C7: variants seen among roughly 807,000 people sequenced by gnomAD.
The protein encoded by C7 is complement component C7.
Under a neutral mutation model 104.8 loss-of-function variants are expected in C7, and 83 were observed. That is an observed-to-expected ratio of 0.79 (90% CI 0.66 to 0.95). C7 has a LOEUF of 0.95. Ranked by LOEUF, C7 falls within the 40% of genes least tolerant of loss-of-function variation. The pLI is 0.00. For synonymous variants in C7, 415 were observed against 360.6 expected (o/e 1.15, Z -1.71); for missense variants, 1,070 against 1,011.2 (o/e 1.06, Z -0.79).
At chr5:40,943,745 G>A (rs557347339) in intron 6 of C7, among the ~76,000 whole-genome samples, 1 of 151,906 alleles carries the variant, frequency 6.6e-6, no homozygotes, top group South Asian at 2.1e-4. Flanking sequence ...AGCCCAAGCT[G>A]AATTTTTGCA....
chr5:40,919,946 T>C (rs1739405037), intron 1 of C7, among the ~76,000 whole-genome samples: 1 of 151,292 alleles, frequency 6.6e-6, no homozygotes, highest in Non-Finnish European at 1.5e-5. Context: ...AAAAGAAGAA[T>C]AAACTAAGCC....
intron 6 of C7, among the ~76,000 whole-genome samples, chr5:40,938,673 T>G (rs185984586): frequency 6.6e-6 from 1 of 152,306 alleles, no homozygotes; most frequent in East Asian, 1.9e-4. Flanking sequence ...AACGTTGGTA[T>G]TGCTTAACTT....
Position 40,972,471 on chromosome 5 carries a change from G to A in C7, c.1951G>A (p.Val651Ile), listed in dbSNP as rs1441172418. Residue 651 changes from valine to isoleucine, a missense_variant, in exon 15 of 18, where the codon GTT becomes ATT. Val to Ile is a conservative substitution (Grantham distance 29, BLOSUM62 3). Coordinates refer to ENST00000313164, the MANE Select transcript of C7 (RefSeq NM_000587.4). ...QSHPQKPFYT[V>I]GEKVTVSCSG... ...TCACCCCCAAAAACCTTTCTACACA[G>A]TTGGTGAGAAGGTGACTGTTTCCTG... 2 of 1,613,762 alleles carry A rather than the reference G, an allele frequency of 1.2e-6. No individual in the cohort carries two copies. Among genetic ancestry groups the A allele is most frequent in the African/African-American group, 1.3e-5 (1 of 74,906 alleles).
chr5:40,962,151 CT>C lies in C7; in HGVS notation c.1730del (p.Leu577Ter). The C allele has an allele frequency of 6.4e-7, 1 of 1,563,428 alleles. No individual in the cohort carries two copies. On this transcript the variant is annotated frameshift_variant, in exon 13 of 18. Coordinates refer to ENST00000313164, the MANE Select transcript of C7 (RefSeq NM_000587.4). LOFTEE classifies it high-confidence loss of function. The part of the protein sequence containing the change: ...PTEFCPSPPA[L>X]KDGFVQDEGT... ...CAGAATTCTGTCCATCACCTCCTGC[CT>C]TGAAAGATGGATTTGTTCAAGTTGG...
intron 5 of C7, 102 bp from the exon 6 acceptor site, chr5:40,937,450 G>GA: frequency 8.3e-7 from 1 of 1,200,350 alleles, no homozygotes; most frequent in Non-Finnish European, 1.2e-6. Context: ...TGCATTTTAA[G>GA]AATTTGTAGA....
intron 1 of C7, among the ~76,000 whole-genome samples, chr5:40,919,211 C>T (rs1459596544): frequency 6.6e-6 from 1 of 151,652 alleles, no homozygotes; most frequent in Non-Finnish European, 1.5e-5. Flanking sequence ...ACAACCTCCA[C>T]CTCCCAGGCT....
chr5:40,936,350 G>A lies in C7; in HGVS notation c.293G>A (p.Ser98Asn), dbSNP rs1257446029. The change falls in exon 5 of 18, where the codon AGC (serine) becomes AAC (asparagine). Residue 98 changes from serine (S) to asparagine (N), a missense_variant. Physicochemically the swap from Ser to Asn is conservative, Grantham distance 46. Transcript: ENST00000313164. ...RFRCFSGQCI[S>N]KSLVCNGDSD... Reference sequence around the variant, plus strand: ...CTCTGGTGTTCAGGTCAGTGCATCAGCAAATCATTGGTTTGCAATGGGGAT... The same window carrying A: ...CTCTGGTGTTCAGGTCAGTGCATCAACAAATCATTGGTTTGCAATGGGGAT... 3 of 1,613,154 alleles carry A rather than the reference G, an allele frequency of 1.9e-6. No individual in the cohort carries two copies. Among genetic ancestry groups the A allele is most frequent in the Non-Finnish European group, 2.5e-6 (3 of 1,179,430 alleles).
intron 14 of C7, among the ~76,000 whole-genome samples, chr5:40,970,273 A>T (rs753818403): frequency 9.9e-5 from 15 of 152,222 alleles, no homozygotes; most frequent in Non-Finnish European, 2.1e-4. Flanking sequence ...TGCTGTAAAG[A>T]TACAGCAATA....
chr5:40,954,700 A>G (rs933064986), intron 9 of C7, among the ~76,000 whole-genome samples: 15 of 151,848 alleles, frequency 9.9e-5, no homozygotes, highest in Non-Finnish European at 1.9e-4. Flanking sequence ...TCTGGCCAAC[A>G]TGGTGAAACC....
intron 15 of C7, among the ~76,000 whole-genome samples, chr5:40,975,031 A>G (rs182921564): frequency 2.1e-3 from 314 of 152,296 alleles, no homozygotes; most frequent in Admixed American, 5.9e-3. Context: ...AGTGATTTCC[A>G]GATGTCCCCT....
intron 1 of C7, among the ~76,000 whole-genome samples, chr5:40,928,232 T>C (rs1286526400): frequency 2.0e-5 from 3 of 152,092 alleles, no homozygotes; most frequent in African/African-American, 7.2e-5. Flanking sequence ...AGTAGAATGG[T>C]GGTTACAGAG....
At chr5:40,960,429 C>A (rs1579865528) in intron 12 of C7, among the ~76,000 whole-genome samples, 2 of 152,146 alleles carry the variant, frequency 1.3e-5, no homozygotes, top group South Asian at 4.2e-4. Context: ...ATCTTTGGTG[C>A]CTTGTAATCT....
intron 1 of C7, among the ~76,000 whole-genome samples, chr5:40,924,359 A>AGGGTTC (rs1383294716): frequency 6.6e-6 from 1 of 152,204 alleles, no homozygotes; most frequent in Non-Finnish European, 1.5e-5. Context: ...CCTCTTGGGC[A>AGGGTTC]ACTTTACTTC....
chr5:40,971,763 A>T (rs1016519326), intron 14 of C7, among the ~76,000 whole-genome samples: 9 of 152,198 alleles, frequency 5.9e-5, no homozygotes, highest in Admixed American at 2.6e-4. Context: ...TAATTTTTGT[A>T]TAAGGTATAA....
intron 1 of C7, among the ~76,000 whole-genome samples, chr5:40,910,890 TA>T (rs1395918525): frequency 2.0e-5 from 3 of 152,096 alleles, no homozygotes; most frequent in African/African-American, 7.2e-5. Flanking sequence ...TGTTAACTAT[TA>T]ATCTTTTACT....
At chr5:40,918,120 C>T (rs1739357578) in intron 1 of C7, among the ~76,000 whole-genome samples, 1 of 152,042 alleles carries the variant, frequency 6.6e-6, no homozygotes, top group Non-Finnish European at 1.5e-5. Context: ...TGCGAAACCA[C>T]AAAGACAACA....
chr5:40,964,938 T>A (rs904428706), intron 14 of C7, 65 bp downstream of exon 14: 2 of 1,555,098 alleles, frequency 1.3e-6, no homozygotes, highest in Admixed American at 1.7e-5. Flanking sequence ...TGAATCAAGA[T>A]AAATAACACT....
rs369521627 is a variant in C7, at chr5:40,984,346, C to T, written c.*2773C>T. Among the ~76,000 whole-genome samples, 2 of 152,128 alleles carry T rather than the reference C, an allele frequency of 1.3e-5. No individual in the cohort carries two copies. The highest frequency in any genetic ancestry group is 2.9e-5 in the Non-Finnish European group (2 of 68,032). ...GAAATCTGACAAGTGACCCCCGGAACTTTGGATTACCTAGCAACTAGCCAG... is the reference window on the plus strand; with the variant it reads ...GAAATCTGACAAGTGACCCCCGGAATTTTGGATTACCTAGCAACTAGCCAG... On this transcript the variant is annotated 3_prime_UTR_variant, in exon 18 of 18. Coordinates refer to ENST00000313164, the MANE Select transcript of C7 (RefSeq NM_000587.4).
At chr5:40,961,252 T>A (rs1740412738) in intron 12 of C7, among the ~76,000 whole-genome samples, 3 of 152,242 alleles carry the variant, frequency 2.0e-5, no homozygotes, top group Non-Finnish European at 2.9e-5. Flanking sequence ...TATCTCATGG[T>A]GTTGCTGTAT....
Sources: gnomAD v4.1 joint callset for allele counts (sites outside exome capture counted in the v4.1 genomes callset) on GRCh38, gnomAD v4.1.1 for gene constraint, MANE v1.5 for transcripts, NCBI Gene and HGNC (gene_info 2026-07-23, HGNC 2026-07-21) for gene names.